The following TRIM37 variants were observed in gnomAD, a reference collection of about 807,000 sequenced individuals.
TRIM37 encodes the protein tripartite motif containing 37, also known as E3 ubiquitin-protein ligase TRIM37.
TRIM37 carries 80 observed loss-of-function variants against 129.8 expected under a neutral mutation model. The observed-to-expected ratio is 0.62, with a 90% CI of 0.51 to 0.74. The LOEUF (loss-of-function observed/expected upper bound fraction) is 0.74, where lower values mean the gene tolerates loss of function less well. Ranked by LOEUF, TRIM37 falls within the 30% of genes least tolerant of loss-of-function variation. The pLI is 0.00. For missense variants in TRIM37, 1,054 were observed against 1,176.5 expected, an observed-to-expected ratio of 0.90 and a Z score of 1.52; for synonymous variants, 389 against 387.1, an observed-to-expected ratio of 1.00 and a Z score of -0.06.
At chr17:59,079,244 G>T (rs2043065165) in intron 7 of TRIM37, among the ~76,000 whole-genome samples, 1 of 152,070 alleles carries the variant, frequency 6.6e-6, no homozygotes, top group East Asian at 1.9e-4. Flanking sequence ...TCAATACCAG[G>T]CTCCACAATC....
At chr17:59,032,519 G>A (rs1422149151) in intron 17 of TRIM37, among the ~76,000 whole-genome samples, 15 of 123,448 alleles carry the variant, frequency 1.2e-4, no homozygotes, top group African/African-American at 3.6e-4. Flanking sequence ...GCGACAGAGC[G>A]AGACTCCGTC....
intron 7 of TRIM37, 143 bp downstream of exon 7, chr17:59,079,611 A>C: frequency 9.4e-7 from 1 of 1,059,334 alleles, no homozygotes; most frequent in Non-Finnish European, 1.4e-6. Flanking sequence ...CAAGTCTAAC[A>C]TTTATCTGTC....
chr17:58,998,882 G>A lies in TRIM37; in HGVS notation c.*495C>T, dbSNP rs543951855. 6 of 1,014,974 alleles carry A rather than the reference G, an allele frequency of 5.9e-6. No homozygotes were observed. The highest frequency in any genetic ancestry group is 9.9e-5 in the East Asian group (1 of 10,136). 62.9% of individuals were successfully genotyped at this position (1,014,974 alleles called of 1,614,324 possible). A position where few individuals can be genotyped will look rare whatever the true frequency, so the allele number is the denominator to read the frequency against. On this transcript the variant is annotated 3_prime_UTR_variant, in exon 24 of 24. Coordinates refer to ENST00000262294, the MANE Select transcript of TRIM37 (RefSeq NM_015294.6). Reference sequence around the variant, plus strand: ...TTCAGTTATTCACATAGTGTCTACAGGGCAGAATCTCTTCCAAAGCAATTT... The same window carrying A: ...TTCAGTTATTCACATAGTGTCTACAAGGCAGAATCTCTTCCAAAGCAATTT...
chr17:59,005,218 T>G (rs2034319115), intron 22 of TRIM37, among the ~76,000 whole-genome samples: 1 of 152,164 alleles, frequency 6.6e-6, no homozygotes, highest in Non-Finnish European at 1.5e-5. Flanking sequence ...TCTCTGGAAT[T>G]CCCCAAATCT....
chr17:59,015,846 G>A, intron 20 of TRIM37, 47 bp from the exon 21 acceptor site: 1 of 1,583,252 alleles, frequency 6.3e-7, no homozygotes, highest in Non-Finnish European at 8.6e-7. Context: ...GGGCATGGTG[G>A]TGTGCGCCTG....
chr17:59,042,687 C>T (rs113449222), intron 16 of TRIM37, among the ~76,000 whole-genome samples: 16 of 150,902 alleles, frequency 1.1e-4, no homozygotes, highest in South Asian at 2.1e-4. Flanking sequence ...CGGTTGAACC[C>T]GGGAGGTGGA....
At chr17:58,987,791 TAAAA>T (rs1458960577) in intron 24 of TRIM37, among the ~76,000 whole-genome samples, 1 of 152,164 alleles carries the variant, frequency 6.6e-6, no homozygotes, top group South Asian at 2.1e-4. Flanking sequence ...AAAAACTAGA[TAAAA>T]AAATTAAAAA....
At chr17:59,089,904 AG>A (rs1229327042) in intron 3 of TRIM37, 1 of 152,118 alleles carries the variant, frequency 6.6e-6, no homozygotes, top group African/African-American at 2.4e-5. Context: ...AGTCGAGACC[AG>A]TTTGGCCAAC....
intron 24 of TRIM37, chr17:58,982,923 TAAGAAAAC>T (rs752888912): frequency 7.0e-6 from 11 of 1,576,744 alleles, no homozygotes; most frequent in Non-Finnish European, 8.6e-6. Flanking sequence ...TCAAATTATC[TAAGAAAAC>T]AAGAAAACAA....
At chr17:59,101,086 C>T (rs2045424387) in intron 2 of TRIM37, among the ~76,000 whole-genome samples, 1 of 150,466 alleles carries the variant, frequency 6.6e-6, no homozygotes, top group African/African-American at 2.4e-5. Flanking sequence ...GTGTAGTTTA[C>T]TGCATGTCAG....
In TRIM37 at chr17:59,091,415, TTA is replaced by T. The variant is rs1273939936; in HGVS notation, c.124-77_124-76del. 29 of 352,678 alleles carry T rather than the reference TTA, an allele frequency of 8.2e-5. No individual in the cohort carries two copies. The Admixed American group carries it at 1.5e-3, about 18-fold the overall frequency. 21.8% of individuals were successfully genotyped at this position (352,678 alleles called of 1,614,324 possible). A position where few individuals can be genotyped will look rare whatever the true frequency, so the allele number is the denominator to read the frequency against. On this transcript the variant is annotated intron_variant, in intron 2 of 23. Transcript: ENST00000262294. ...ATATATATTACTTAATATTTTATATTTATATATAATATATATAATATTCTTAA... is the reference window on the plus strand; with the variant it reads ...ATATATATTACTTAATATTTTATATTTATATAATATATATAATATTCTTAA...
intron 22 of TRIM37, among the ~76,000 whole-genome samples, chr17:59,010,324 T>C (rs980338737): frequency 6.6e-6 from 1 of 152,148 alleles, no homozygotes; most frequent in African/African-American, 2.4e-5. Context: ...CATTCCACAG[T>C]GCAGAGAACA....
chr17:59,022,974 ATAT>A (rs1336774712), intron 19 of TRIM37, among the ~76,000 whole-genome samples: 1 of 152,154 alleles, frequency 6.6e-6, no homozygotes, highest in African/African-American at 2.4e-5. Flanking sequence ...GGTCCACTTA[ATAT>A]TCGAATTTTT....
At chr17:59,086,592 G>A (rs1382712826) in intron 4 of TRIM37, among the ~76,000 whole-genome samples, 1 of 152,060 alleles carries the variant, frequency 6.6e-6, no homozygotes, top group Non-Finnish European at 1.5e-5. Context: ...TGAGCTTAGA[G>A]AAAATACTTA....
intron 6 of TRIM37, among the ~76,000 whole-genome samples, chr17:59,080,721 G>A (rs761274604): frequency 5.9e-5 from 9 of 152,132 alleles, no homozygotes; most frequent in Non-Finnish European, 1.2e-4. Context: ...AGCCCGGGAG[G>A]TGGAGGTTGT....
chr17:59,028,951 A>T (rs919840313), intron 18 of TRIM37, among the ~76,000 whole-genome samples: 10 of 152,196 alleles, frequency 6.6e-5, no homozygotes, highest in African/African-American at 2.4e-4. Context: ...AGTTCGAATT[A>T]CACATTTAAT....
chr17:59,091,384 C>CTATA, intron 2 of TRIM37, 44 bp from the exon 3 acceptor site: 1 of 961,198 alleles, frequency 1.0e-6, no homozygotes, highest in Non-Finnish European at 1.4e-6. Context: ...AACATCATTA[C>CTATA]TATATATATA....
chr17:59,071,216 T>C (rs1030720124), intron 8 of TRIM37, among the ~76,000 whole-genome samples: 3 of 151,850 alleles, frequency 2.0e-5, no homozygotes, highest in African/African-American at 7.3e-5. Context: ...CAAGTACAAA[T>C]ATACTTTCAG....
intron 22 of TRIM37, among the ~76,000 whole-genome samples, chr17:59,002,948 G>A (rs2033971570): frequency 6.6e-6 from 1 of 152,150 alleles, no homozygotes; most frequent in African/African-American, 2.4e-5. Flanking sequence ...GTACAGTGGT[G>A]CAATCATGGC....
Sources: gnomAD v4.1 joint callset for allele counts (sites outside exome capture counted in the v4.1 genomes callset) on GRCh38, gnomAD v4.1.1 for gene constraint, MANE v1.5 for transcripts, NCBI Gene and HGNC (gene_info 2026-07-23, HGNC 2026-07-21) for gene names.